Variants in LINGO2 observed in about 807,000 individuals in gnomAD.
LINGO2 encodes the protein leucine-rich repeat and immunoglobulin-like domain-containing nogo receptor-interacting protein 2.
Under a neutral mutation model 30.6 loss-of-function variants are expected in LINGO2, and 14 were observed. The observed-to-expected ratio is 0.46, with a 90% CI of 0.30 to 0.72. LINGO2 has a LOEUF of 0.72. LINGO2 is among the 30% of genes least tolerant of loss of function. The pLI, the probability that LINGO2 is intolerant of heterozygous loss-of-function variation, is 0.07. For synonymous variants in LINGO2, 317 were observed against 288.5 expected, an observed-to-expected ratio of 1.10 and a Z score of -1.00; for missense variants, 729 against 751.7, an observed-to-expected ratio of 0.97 and a Z score of 0.35.
At chr9:28,988,889 T>A in the LINGO2 span, among the ~76,000 whole-genome samples, 1 of 152,202 alleles carries the variant, frequency 6.6e-6, no homozygotes, top group Admixed American at 6.5e-5. Context: ...TTCAGGTTTT[T>A]TTCTAAGTAT....
At chr9:28,893,839 G>A in the LINGO2 span, among the ~76,000 whole-genome samples, 17 of 151,820 alleles carry the variant, frequency 1.1e-4, no homozygotes, top group Non-Finnish European at 2.5e-4. Context: ...CCATGCTGGT[G>A]TGCTGCACCC....
chr9:27,965,883 A>T (rs1368442874), intron 5 of LINGO2, among the ~76,000 whole-genome samples: 2 of 152,104 alleles, frequency 1.3e-5, no homozygotes, highest in African/African-American at 4.8e-5. Flanking sequence ...AAATGACCCT[A>T]ATCTATAAGG....
At chr9:28,732,142 T>C in the LINGO2 span, among the ~76,000 whole-genome samples, 7 of 152,110 alleles carry the variant, frequency 4.6e-5, no homozygotes, top group Non-Finnish European at 7.4e-5. Flanking sequence ...AATGCCTGTT[T>C]CTGGTCAGGG....
chr9:28,465,604 C>T (rs766363699), intron 2 of LINGO2, among the ~76,000 whole-genome samples: 17 of 152,090 alleles, frequency 1.1e-4, no homozygotes, highest in Non-Finnish European at 2.1e-4. Context: ...TCCCTGCTTC[C>T]TGTTCATATC....
intron 4 of LINGO2, among the ~76,000 whole-genome samples, chr9:28,176,894 T>C (rs1828765618): frequency 6.6e-6 from 1 of 152,174 alleles, no homozygotes; most frequent in Non-Finnish European, 1.5e-5. Flanking sequence ...AGAATCATAT[T>C]TTCAATCTTT....
chr9:29,114,343 TA>T, the LINGO2 span, among the ~76,000 whole-genome samples: 2 of 150,894 alleles, frequency 1.3e-5, no homozygotes, highest in Non-Finnish European at 3.0e-5. Flanking sequence ...AGTCCACCCC[TA>T]AGCCTGATTC....
chr9:28,866,560 A>ACACCCAGGG, the LINGO2 span, among the ~76,000 whole-genome samples: 3 of 152,148 alleles, frequency 2.0e-5, no homozygotes, highest in Non-Finnish European at 4.4e-5. Context: ...AGGAAGGCCA[A>ACACCCAGGG]CACCCAGGGC....
At chr9:28,873,835 TA>T in the LINGO2 span, among the ~76,000 whole-genome samples, 1 of 152,134 alleles carries the variant, frequency 6.6e-6, no homozygotes, top group Non-Finnish European at 1.5e-5. Context: ...TAGAAGAGCA[TA>T]ATGTAAATAC....
At chr9:28,190,898 A>G (rs1294036247) in intron 4 of LINGO2, among the ~76,000 whole-genome samples, 2 of 152,214 alleles carry the variant, frequency 1.3e-5, no homozygotes, top group African/African-American at 4.8e-5. Context: ...GAATTTAACA[A>G]CTAATATACC....
chr9:29,186,925 TAATA>T, the LINGO2 span, among the ~76,000 whole-genome samples: 6 of 152,170 alleles, frequency 3.9e-5, no homozygotes, highest in African/African-American at 1.4e-4. Flanking sequence ...ATGACAATAA[TAATA>T]AAATTGTAGC....
At chr9:28,290,304 C>T (rs12686654) in intron 4 of LINGO2, among the ~76,000 whole-genome samples, 2 of 152,132 alleles carry the variant, frequency 1.3e-5, no homozygotes, top group East Asian at 3.9e-4. Context: ...TCAGGCAAAT[C>T]AGTGGAGCAC....
the LINGO2 span, among the ~76,000 whole-genome samples, chr9:28,862,609 G>A: frequency 6.6e-6 from 1 of 151,972 alleles, no homozygotes; most frequent in African/African-American, 2.4e-5. Flanking sequence ...AAGTCATAAT[G>A]AATACAATAG....
chr9:28,218,242 G>C (rs1820837330), intron 4 of LINGO2, among the ~76,000 whole-genome samples: 2 of 149,572 alleles, frequency 1.3e-5, no homozygotes, highest in Admixed American at 6.7e-5. Flanking sequence ...CTATTATACA[G>C]TTCCTACATG....
chr9:28,402,765 G>A (rs1822323997), intron 2 of LINGO2, among the ~76,000 whole-genome samples: 1 of 151,948 alleles, frequency 6.6e-6, no homozygotes, highest in South Asian at 2.1e-4. Context: ...CTATATCCCA[G>A]GCTATCTTTC....
At chr9:28,664,380 T>G (rs953616196) in intron 1 of LINGO2, among the ~76,000 whole-genome samples, 2 of 152,110 alleles carry the variant, frequency 1.3e-5, no homozygotes, top group African/African-American at 4.8e-5. Flanking sequence ...AACCACAGTC[T>G]AGGTTAGAAG....
intron 5 of LINGO2, among the ~76,000 whole-genome samples, chr9:27,982,505 A>G (rs955506600): frequency 4.0e-5 from 6 of 151,816 alleles, no homozygotes; most frequent in African/African-American, 2.4e-5. Context: ...GGTTCTAAGA[A>G]CTTCACATGC....
chr9:28,676,661 T>A, the LINGO2 span, among the ~76,000 whole-genome samples: 1 of 152,136 alleles, frequency 6.6e-6, no homozygotes, highest in Non-Finnish European at 1.5e-5. Context: ...GCTCTAAGAT[T>A]TACGAGGACT....
At chr9:28,207,416 A>C (rs1434977374) in intron 4 of LINGO2, among the ~76,000 whole-genome samples, 1 of 152,138 alleles carries the variant, frequency 6.6e-6, no homozygotes, top group Non-Finnish European at 1.5e-5. Flanking sequence ...AGACAGGCTA[A>C]TTAATGCCTT....
chr9:28,122,855 T>C (rs970633625), intron 4 of LINGO2, among the ~76,000 whole-genome samples: 1 of 152,256 alleles, frequency 6.6e-6, no homozygotes, highest in African/African-American at 2.4e-5. Flanking sequence ...TGGTCTAAAA[T>C]GTGCTGAGAA....
Sources: allele counts gnomAD v4.1 joint callset (sites outside exome capture counted in the v4.1 genomes callset), GRCh38; gene constraint gnomAD v4.1.1; transcripts MANE v1.5; gene names NCBI Gene and HGNC (gene_info 2026-07-23, HGNC 2026-07-21).